The following RANBP9 variants were observed in gnomAD, a reference collection of about 807,000 sequenced individuals.
The protein encoded by RANBP9 is RAN binding protein 9, also known as ran-binding protein 9.
A neutral mutation model predicts 84.3 loss-of-function variants in RANBP9; 15 were observed. The ratio of observed to expected loss-of-function variants is 0.18; its 90% confidence interval spans 0.12 to 0.27. The LOEUF (loss-of-function observed/expected upper bound fraction) is 0.27. Among genes scored for constraint, RANBP9 ranks in the 10% least tolerant of loss-of-function variants. The pLI, the probability that RANBP9 is intolerant of heterozygous loss-of-function variation, is 1.00. For synonymous variants in RANBP9, 392 were observed against 349.6 expected (o/e 1.12, Z -1.35); for missense variants, 809 against 912.8 (o/e 0.89, Z 1.46).
rs768983037 is a variant in RANBP9 at position 13,652,689 on chromosome 6, GA to G, written c.905-9del. On this transcript the variant is annotated splice_polypyrimidine_tract_variant and intron_variant, in intron 4 of 13. Coordinates refer to ENST00000011619, the MANE Select transcript of RANBP9 (RefSeq NM_005493.3). The stretch of plus-strand genomic sequence containing the variant: ...GGTCAGTGAAAGCAATACCTAAAAA[GA>G]AAAAAAAAAGTGGCATTAGAAGCTG... 1,077 of 1,402,892 alleles carry G rather than the reference GA, an allele frequency of 7.7e-4. No individual in the cohort carries two copies. The highest frequency in any genetic ancestry group is 1.9e-3 in the Admixed American group (92 of 47,582). 86.9% of individuals were successfully genotyped at this position (1,402,892 alleles called of 1,614,324 possible).
chr6:13,659,920 T>C (rs1050917760), intron 2 of RANBP9, among the ~76,000 whole-genome samples: 1 of 152,186 alleles, frequency 6.6e-6, no homozygotes, highest in African/African-American at 2.4e-5. Flanking sequence ...ACTAAATGAC[T>C]AGCATAAATG....
intron 2 of RANBP9, among the ~76,000 whole-genome samples, chr6:13,692,052 T>C (rs1766332738): frequency 2.0e-5 from 3 of 152,214 alleles, no homozygotes. Context: ...TTCTGGTCCA[T>C]ACTTTACAAA....
intron 2 of RANBP9, among the ~76,000 whole-genome samples, chr6:13,690,386 C>T (rs762337152): frequency 8.5e-5 from 13 of 152,202 alleles, no homozygotes; most frequent in African/African-American, 2.4e-4. Context: ...CTGCTTACAA[C>T]GAATCAAACC....
At chr6:13,630,144 T>C (rs1316580077) in intron 12 of RANBP9, among the ~76,000 whole-genome samples, 1 of 152,174 alleles carries the variant, frequency 6.6e-6, no homozygotes, top group Non-Finnish European at 1.5e-5. Context: ...GGTGGGTCAG[T>C]TGCTCACCTT....
chr6:13,703,717 C>G (rs1046789796), intron 1 of RANBP9, among the ~76,000 whole-genome samples: 1 of 152,140 alleles, frequency 6.6e-6, no homozygotes, highest in African/African-American at 2.4e-5. Context: ...AGAAATAAAA[C>G]AACCAGAAAC....
rs151051191 is a variant in RANBP9 at position 13,674,040 on chromosome 6, C to T, written c.684-15208G>A. ...TCAAGGCTGCAGTGAGCTGAGATCC[C>T]GCCACTGCACTCCAGCCTGGGTGAC... On this transcript the variant is annotated intron_variant, in intron 2 of 13. Coordinates refer to ENST00000011619, the MANE Select transcript of RANBP9 (RefSeq NM_005493.3). Among the ~76,000 whole-genome samples, 1,432 of 151,060 alleles carry T rather than the reference C, an allele frequency of 9.5e-3. 20 individuals are homozygous for T. Among genetic ancestry groups the T allele is most frequent in the African/African-American group, 0.032 (1,300 of 41,108 alleles).
chr6:13,698,585 G>A (rs948056015), intron 1 of RANBP9, among the ~76,000 whole-genome samples: 1 of 152,218 alleles, frequency 6.6e-6, no homozygotes, highest in South Asian at 2.1e-4. Context: ...GATTTTTTAA[G>A]GGGAGTGACC....
chr6:13,653,831 A>G (rs959883790), intron 4 of RANBP9, among the ~76,000 whole-genome samples: 4 of 152,102 alleles, frequency 2.6e-5, no homozygotes, highest in Non-Finnish European at 5.9e-5. Context: ...AAAGGAAAGC[A>G]AAGTTAGGGT....
In RANBP9 at chr6:13,711,394, G is replaced by T. The variant is rs919032868; in HGVS notation, c.112C>A (p.Pro38Thr). Residue 38 changes from proline (P) to threonine (T), a missense_variant, in exon 1 of 14, where the codon CCC becomes ACC. By Grantham distance (38) the Pro-to-Thr change is conservative. Around this residue, in one of 5 missense-constraint regions of RANBP9, gnomAD observed 302 missense variants for 240.1 expected, o/e 1.26. Transcript: ENST00000011619. ...GAAGAGCCGGCGCTGACGGCCGGGGGCGCCGGCAGGACGACTCCGGAGACT... is the reference window on the plus strand; with the variant it reads ...GAAGAGCCGGCGCTGACGGCCGGGGTCGCCGGCAGGACGACTCCGGAGACT... Reference protein sequence around the residue: ...APVSGVVLPAPPAVSAGSSPA... With the variant: ...APVSGVVLPATPAVSAGSSPA... 5 of 1,179,780 alleles carry T rather than the reference G, an allele frequency of 4.2e-6. No homozygotes were observed. Among genetic ancestry groups the T allele is most frequent in the African/African-American group, 1.6e-5 (1 of 62,096 alleles). 73.1% of individuals were successfully genotyped at this position (1,179,780 alleles called of 1,614,324 possible). A position where few individuals can be genotyped will look rare whatever the true frequency, so the allele number is the denominator to read the frequency against.
intron 6 of RANBP9, among the ~76,000 whole-genome samples, 165 bp downstream of exon 6, chr6:13,644,380 A>G (rs1765132775): frequency 6.6e-6 from 1 of 151,418 alleles, no homozygotes; most frequent in Non-Finnish European, 1.5e-5. Context: ...ATTTGTTTAA[A>G]TAGTGGAGTA....
At chr6:13,648,846 A>C (rs1397247731) in intron 5 of RANBP9, among the ~76,000 whole-genome samples, 1 of 152,212 alleles carries the variant, frequency 6.6e-6, no homozygotes, top group East Asian at 1.9e-4. Flanking sequence ...ACAGCCTTCA[A>C]TGTTTTTTAG....
chr6:13,667,919 T>A (rs1375990208), intron 2 of RANBP9, among the ~76,000 whole-genome samples: 1 of 151,938 alleles, frequency 6.6e-6, no homozygotes, highest in Non-Finnish European at 1.5e-5. Context: ...AAAAGAAAGA[T>A]CTCTAATTAG....
intron 4 of RANBP9, among the ~76,000 whole-genome samples, chr6:13,656,468 G>A (rs560559945): frequency 6.6e-6 from 1 of 152,008 alleles, no homozygotes; most frequent in East Asian, 1.9e-4. Context: ...GAAGTGCTAT[G>A]AGTACATGAA....
At chr6:13,622,771 G>GCT (rs1201332355) in intron 13 of RANBP9, among the ~76,000 whole-genome samples, 6 of 152,162 alleles carry the variant, frequency 3.9e-5, no homozygotes, top group Non-Finnish European at 7.4e-5. Flanking sequence ...TAACTATGAT[G>GCT]GGAAAGGTAC....
intron 2 of RANBP9, among the ~76,000 whole-genome samples, chr6:13,694,950 C>T (rs749799956): frequency 6.6e-6 from 1 of 152,140 alleles, no homozygotes; most frequent in Non-Finnish European, 1.5e-5. Flanking sequence ...AACTGCGATG[C>T]TGGTTATATG....
At chr6:13,639,238 A>T (rs932434677) in intron 9 of RANBP9, among the ~76,000 whole-genome samples, 1 of 152,148 alleles carries the variant, frequency 6.6e-6, no homozygotes, top group Non-Finnish European at 1.5e-5. Context: ...GAGTGCAGTG[A>T]CGTGATCTCA....
chr6:13,627,999 G>A (rs1764668976), intron 12 of RANBP9, among the ~76,000 whole-genome samples: 1 of 152,174 alleles, frequency 6.6e-6, no homozygotes, highest in African/African-American at 2.4e-5. Context: ...CTACACTGCA[G>A]TGTTTAAAAA....
intron 5 of RANBP9, among the ~76,000 whole-genome samples, chr6:13,652,416 A>C (rs540542506): frequency 2.6e-5 from 4 of 152,262 alleles, no homozygotes; most frequent in African/African-American, 9.6e-5. Context: ...ACATTTAAAA[A>C]GACACTTGAG....
At chr6:13,702,613 G>T (rs772042981) in intron 1 of RANBP9, among the ~76,000 whole-genome samples, 28 of 152,016 alleles carry the variant, frequency 1.8e-4, no homozygotes, top group Admixed American at 1.6e-3. Flanking sequence ...ACTTTCCAAA[G>T]GAATTTTTAA....
Sources: gnomAD v4.1 joint callset for allele counts (sites outside exome capture counted in the v4.1 genomes callset) on GRCh38, gnomAD v4.1.1 for gene constraint, gnomAD v4.1.1 regional missense constraint, MANE v1.5 for transcripts, NCBI Gene and HGNC (gene_info 2026-07-23, HGNC 2026-07-21) for gene names.